The following GSDME variants were observed in gnomAD, a reference collection of about 807,000 sequenced individuals.
GSDME encodes gasdermin E.
GSDME carries 44 observed loss-of-function variants against 47.5 expected under a neutral mutation model. The ratio of observed to expected loss-of-function variants is 0.93; its 90% confidence interval spans 0.73 to 1.19. The LOEUF (loss-of-function observed/expected upper bound fraction) is 1.19, where lower values mean the gene tolerates loss of function less well. Ranked by LOEUF, GSDME falls within the 50% of genes most tolerant of loss-of-function variation. The pLI is 0.00. For missense variants in GSDME, 663 were observed against 604.2 expected, an observed-to-expected ratio of 1.10 and a Z score of -1.02; for synonymous variants, 258 against 252.8, an observed-to-expected ratio of 1.02 and a Z score of -0.20.
upstream of GSDME, among the ~76,000 whole-genome samples, chr7:24,761,595 T>C (rs527718188): frequency 6.6e-6 from 1 of 152,222 alleles, no homozygotes; most frequent in Non-Finnish European, 1.5e-5. This position sits in a 1 kb window ranked among gnomAD's most constrained non-coding sequence, Gnocchi z 4.4. Context: ...CATATGGCTT[T>C]GGGGGAACAC....
rs889818357 is a variant in GSDME at position 24,726,914 on chromosome 7, G to A, written c.405-7696C>T. Among the ~76,000 whole-genome samples the A allele has an allele frequency of 6.6e-6, 1 of 152,114 alleles. No individual in the cohort carries two copies. Among genetic ancestry groups the A allele is most frequent in the Non-Finnish European group, 1.5e-5 (1 of 68,030 alleles). On this transcript the variant is annotated intron_variant, in intron 3 of 9. Transcript: ENST00000645220. This position sits in a 1 kb window ranked among gnomAD's most constrained non-coding sequence, Gnocchi z 5.6. ...CAGGGGACATCATGACAGAGCAGGA[G>A]CTTTTGTTGAGTCTGCTGTGGAGAA...
rs1460008850 is a variant in GSDME at position 24,744,924 on chromosome 7, G to A, written c.212-170C>T. 1.3e-3 allele frequency among the ~76,000 whole-genome samples: 2 copies of A among 1,488 alleles called. No individual in the cohort carries two copies. Among genetic ancestry groups the A allele is most frequent in the Non-Finnish European group, 2.2e-3 (2 of 890 alleles). 1.0% of individuals were successfully genotyped at this position (1,488 alleles called of 152,430 possible). A position where few individuals can be genotyped will look rare whatever the true frequency, so the allele number is the denominator to read the frequency against. On this transcript the variant is annotated intron_variant, in intron 2 of 9. Transcript: ENST00000645220. The surrounding 1 kb of genome is among the most constrained non-coding windows in gnomAD (Gnocchi z 4.5). ...TGTGGGCAAGAAAACAGGGCAGCAC[G>A]TGTGTGTGTGTGTGTGTGTGTGTGT... is the stretch of plus-strand genomic sequence containing the variant.
chr7:24,741,425 T>A (rs1790487932), intron 3 of GSDME, among the ~76,000 whole-genome samples: 1 of 152,082 alleles, frequency 6.6e-6, no homozygotes, highest in African/African-American at 2.4e-5. Flanking sequence ...ATAGTTTCCA[T>A]CAAGAATGCT....
intron 3 of GSDME, among the ~76,000 whole-genome samples, chr7:24,720,884 G>A (rs199844561): frequency 2.8e-4 from 42 of 150,930 alleles, no homozygotes; most frequent in East Asian, 1.4e-3. Flanking sequence ...TCCAGCCTGG[G>A]CAACAAGAGC....
At chr7:24,707,310 C>T (rs1296359054) in intron 7 of GSDME, 1 of 471,150 alleles carries the variant, frequency 2.1e-6, no homozygotes, top group Non-Finnish European at 4.4e-6. Flanking sequence ...AAAGCCTCAG[C>T]CTTAAGAAAG....
At chr7:24,752,593 G>T (rs1036857285) in intron 1 of GSDME, among the ~76,000 whole-genome samples, 2 of 152,192 alleles carry the variant, frequency 1.3e-5, no homozygotes, top group Non-Finnish European at 2.9e-5. Flanking sequence ...CCAGGTGCAG[G>T]CTGGGAGATG....
rs1211812649 is a variant in GSDME at position 24,698,479 on chromosome 7, C to T, written c.*547G>A. 5.6e-6 allele frequency: 1 copy of T among 177,776 alleles called. No individual in the cohort carries two copies. The highest frequency in any genetic ancestry group is 1.2e-5 in the Non-Finnish European group (1 of 84,022). 11.0% of individuals were successfully genotyped at this position (177,776 alleles called of 1,614,324 possible). On this transcript the variant is annotated 3_prime_UTR_variant, in exon 10 of 10. Coordinates refer to ENST00000645220, the MANE Select transcript of GSDME (RefSeq NM_001127453.2). ...ACATAAAATGCATATAGCTAGGGTC[C>T]CAAGCAGGGGTGTGTTACTGTTAGA...
the GSDME span, among the ~76,000 whole-genome samples, chr7:24,763,099 G>T: frequency 6.6e-6 from 1 of 152,138 alleles, no homozygotes; most frequent in Non-Finnish European, 1.5e-5. The surrounding 1 kb of genome is among the most constrained non-coding windows in gnomAD (Gnocchi z 4.3). Flanking sequence ...ACTGGAACAC[G>T]TTTCTGCTCA....
rs1790298061 is a variant in GSDME, at chr7:24,736,117, G to A, written c.404+8445C>T. On this transcript the variant is annotated intron_variant, in intron 3 of 9. Coordinates refer to ENST00000645220, the MANE Select transcript of GSDME (RefSeq NM_001127453.2). The surrounding 1 kb of genome is among the most constrained non-coding windows in gnomAD (Gnocchi z 4.6). ...AAAAGGAAGACAGGAAGAAAAGAAA[G>A]AAGGAGGAGAAGACCACAAAACAAA... Among the ~76,000 whole-genome samples the A allele has an allele frequency of 6.6e-6, 1 of 152,026 alleles. No homozygotes were observed. The highest frequency in any genetic ancestry group is 1.9e-4 in the East Asian group (1 of 5,190).
intron 6 of GSDME, 111 bp from the exon 7 acceptor site, chr7:24,708,365 T>C (rs1450914339): frequency 2.3e-6 from 3 of 1,303,360 alleles, no homozygotes; most frequent in Non-Finnish European, 3.2e-6. Flanking sequence ...TCATGGATAT[T>C]CCCAGCTGCA....
chr7:24,775,874 C>CAAAAAAA, the GSDME span, among the ~76,000 whole-genome samples: 5 of 31,398 alleles, frequency 1.6e-4, no homozygotes, highest in African/African-American at 4.3e-4. Flanking sequence ...GATTCCATCT[C>CAAAAAAA]AAAAAAAAAA....
chr7:24,775,898 G>C, the GSDME span, among the ~76,000 whole-genome samples: 1 of 69,340 alleles, frequency 1.4e-5, no homozygotes, highest in East Asian at 5.7e-4. Context: ...AAAAAAAAAA[G>C]GCCAGGCACA....
intron 1 of GSDME, among the ~76,000 whole-genome samples, 172 bp from the exon 2 acceptor site, chr7:24,749,965 T>C (rs1479830585): frequency 6.6e-6 from 1 of 152,186 alleles, no homozygotes; most frequent in East Asian, 1.9e-4. Flanking sequence ...CAAATAGAGA[T>C]ATTGAAAGAA....
chr7:24,702,854 A>G, intron 8 of GSDME, 21 bp from the exon 9 acceptor site: 3 of 1,609,186 alleles, frequency 1.9e-6, no homozygotes, highest in Non-Finnish European at 2.5e-6. Flanking sequence ...GAAAAATCAC[A>G]GTCACAGTCC....
intron 5 of GSDME, chr7:24,715,495 G>A (rs1789517140): frequency 4.2e-6 from 2 of 471,032 alleles, no homozygotes; most frequent in Admixed American, 2.4e-5. Context: ...TCATACCTCA[G>A]TAAGCTGCGG....
the GSDME span, among the ~76,000 whole-genome samples, chr7:24,764,686 C>T: frequency 2.6e-5 from 4 of 152,318 alleles, no homozygotes; most frequent in East Asian, 1.9e-4. This position sits in a 1 kb window ranked among gnomAD's most constrained non-coding sequence, Gnocchi z 4.4. Context: ...GCAAATGCTA[C>T]GTTTGAGTTC....
At position 24,725,549 on chromosome 7, in the gene GSDME, C is replaced by T. The variant is rs1045399510; in HGVS notation, c.405-6331G>A. ...GCTCTTGAGTGAGCAATTCCTGTCC[C>T]GTTTAAGGGCTCACAACTCTAAGGG... is the stretch of plus-strand genomic sequence containing the variant. On this transcript the variant is annotated intron_variant, in intron 3 of 9. Coordinates refer to ENST00000645220, the MANE Select transcript of GSDME (RefSeq NM_001127453.2). The surrounding 1 kb of genome is among the most constrained non-coding windows in gnomAD (Gnocchi z 5.1). Among the ~76,000 whole-genome samples the T allele has an allele frequency of 3.3e-5, 5 of 152,102 alleles. No homozygotes were observed. The highest frequency in any genetic ancestry group is 7.3e-5 in the Non-Finnish European group (5 of 68,036).
At position 24,725,418 on chromosome 7, in the gene GSDME, G is replaced by A. The variant is rs1179506860; in HGVS notation, c.405-6200C>T. ...TGCTTTATAAGGGAGCCCTCAGCCA[G>A]GTGTAGGAGGACGAGCCGCAGACAA... On this transcript the variant is annotated intron_variant, in intron 3 of 9. Coordinates refer to ENST00000645220, the MANE Select transcript of GSDME (RefSeq NM_001127453.2). The surrounding 1 kb of genome is among the most constrained non-coding windows in gnomAD (Gnocchi z 5.1). Among the ~76,000 whole-genome samples the A allele has an allele frequency of 6.6e-6, 1 of 152,160 alleles. No homozygotes were observed. Among genetic ancestry groups the A allele is most frequent in the Admixed American group, 6.6e-5 (1 of 15,262 alleles).
rs780691758 is a variant in GSDME, at chr7:24,744,591, C to CA, written c.374dup (p.Leu125PhefsTer29). Reference sequence around the variant, plus strand: ...CGGCAGAGTCTCTGATGAGCTGCTGCAAATCCACCTCCTGCTTCCTCAGGG... The same window carrying CA: ...CGGCAGAGTCTCTGATGAGCTGCTGCAAAATCCACCTCCTGCTTCCTCAGGG... On this transcript the variant is annotated frameshift_variant, in exon 3 of 10. Coordinates refer to ENST00000645220, the MANE Select transcript of GSDME (RefSeq NM_001127453.2). LOFTEE classifies it high-confidence loss of function. This position sits in a 1 kb window ranked among gnomAD's most constrained non-coding sequence, Gnocchi z 4.5. 4 of 1,614,078 alleles carry CA rather than the reference C, an allele frequency of 2.5e-6. No homozygotes were observed. Among genetic ancestry groups the CA allele is most frequent in the Non-Finnish European group, 3.4e-6 (4 of 1,180,052 alleles).
Sources: allele counts gnomAD v4.1 joint callset (sites outside exome capture counted in the v4.1 genomes callset), GRCh38; gene constraint gnomAD v4.1.1; non-coding constraint Gnocchi (gnomAD v3.1); transcripts MANE v1.5; gene names NCBI Gene and HGNC (gene_info 2026-07-23, HGNC 2026-07-21).